ARMC9: variants seen among roughly 807,000 people sequenced by gnomAD.
The protein encoded by ARMC9 is armadillo repeat containing 9, also known as lisH domain-containing protein ARMC9.
Under a neutral mutation model 107.0 loss-of-function variants are expected in ARMC9, and 94 were observed. That is an observed-to-expected ratio of 0.88 (90% CI 0.74 to 1.04). The LOEUF (loss-of-function observed/expected upper bound fraction) is 1.04, where lower values mean the gene tolerates loss of function less well. ARMC9 is among the 50% of genes least tolerant of loss of function. The pLI, the probability that ARMC9 is intolerant of heterozygous loss-of-function variation, is 0.00. For missense variants in ARMC9, 942 were observed against 1,030.1 expected, an observed-to-expected ratio of 0.91 and a Z score of 1.17; for synonymous variants, 380 against 396.9, an observed-to-expected ratio of 0.96 and a Z score of 0.51.
chr2:231,200,568 G>A (rs796909641), intron 1 of ARMC9, among the ~76,000 whole-genome samples: 4 of 152,330 alleles, frequency 2.6e-5, no homozygotes, highest in African/African-American at 7.2e-5. Flanking sequence ...CATATACTTG[G>A]GAGGCTGAGG....
intron 19 of ARMC9, among the ~76,000 whole-genome samples, chr2:231,314,302 C>T (rs1332954044): frequency 6.6e-6 from 1 of 152,014 alleles, no homozygotes; most frequent in Non-Finnish European, 1.5e-5. Flanking sequence ...TGGTCTCGAA[C>T]TCCCGACCTC....
rs373779268 is a variant in ARMC9 at position 231,297,044 on chromosome 2, G to A, written c.1773+791G>A. Reference sequence around the variant, plus strand: ...AGAGGATGTTTTTTTGTTTGGAGTCGTGGCCTATCAGCTTGTAAAATGTGT... The same window carrying A: ...AGAGGATGTTTTTTTGTTTGGAGTCATGGCCTATCAGCTTGTAAAATGTGT... On this transcript the variant is annotated intron_variant, in intron 19 of 24. Transcript: ENST00000611582. This position sits in a 1 kb window ranked among gnomAD's most constrained non-coding sequence, Gnocchi z 4.2. 1.2e-4 allele frequency among the ~76,000 whole-genome samples: 18 copies of A among 152,264 alleles called. No individual in the cohort carries two copies. The highest frequency in any genetic ancestry group is 3.9e-4 in the East Asian group (2 of 5,186).
chr2:231,356,960 G>A lies in ARMC9; in HGVS notation c.2131+1026G>A, dbSNP rs534543897. 7.0e-4 allele frequency among the ~76,000 whole-genome samples: 106 copies of A among 152,222 alleles called. 1 individual carries two copies. Among genetic ancestry groups the A allele is most frequent in the African/African-American group, 2.4e-3 (98 of 41,542 alleles). On this transcript the variant is annotated intron_variant, in intron 22 of 24. Transcript: ENST00000611582. ...GGCTCCACAGTACATTCAGGGTAAC[G>A]TAGCGGTAACATCCTTGCTTTACCA...
intron 19 of ARMC9, among the ~76,000 whole-genome samples, chr2:231,312,165 C>A (rs114272631): frequency 8.5e-5 from 13 of 152,268 alleles, no homozygotes; most frequent in African/African-American, 2.9e-4. Context: ...TGGCTTCATT[C>A]GGCTGGATGT....
intron 19 of ARMC9, among the ~76,000 whole-genome samples, chr2:231,306,671 A>G (rs780322010): frequency 2.0e-5 from 3 of 152,200 alleles, no homozygotes; most frequent in Non-Finnish European, 4.4e-5. Context: ...GATGGGCTGA[A>G]CAAGATAGGA....
chr2:231,199,283 A>T (rs28678038), intron 1 of ARMC9, among the ~76,000 whole-genome samples: 43,548 of 152,120 alleles, frequency 0.29, 6,591 homozygotes, highest in African/African-American at 0.37. Flanking sequence ...AAAGGAGAGC[A>T]CTGGTTCTCA....
At chr2:231,261,471 C>T (rs2038334702) in intron 11 of ARMC9, among the ~76,000 whole-genome samples, 5 of 152,188 alleles carry the variant, frequency 3.3e-5, no homozygotes, top group Non-Finnish European at 7.3e-5. Context: ...CTGTCATTCC[C>T]AATAGGATAG....
chr2:231,371,449 G>T, intron 24 of ARMC9, 64 bp from the exon 25 acceptor site: 1 of 1,310,774 alleles, frequency 7.6e-7, no homozygotes, highest in Non-Finnish European at 9.7e-7. Flanking sequence ...GACTGAGTGG[G>T]ACAGAGGGGA....
chr2:231,238,875 A>G (rs2036012740), intron 8 of ARMC9, among the ~76,000 whole-genome samples: 1 of 152,210 alleles, frequency 6.6e-6, no homozygotes, highest in African/African-American at 2.4e-5. Flanking sequence ...GCAGATAGGC[A>G]GGAGGCCCAG....
chr2:231,356,377 C>T (rs2045345845), intron 22 of ARMC9, among the ~76,000 whole-genome samples: 2 of 152,262 alleles, frequency 1.3e-5, no homozygotes, highest in South Asian at 4.1e-4. Flanking sequence ...TTGAAACTTC[C>T]AGCTGAGTTA....
intron 21 of ARMC9, among the ~76,000 whole-genome samples, chr2:231,349,555 G>A (rs1384438723): frequency 2.0e-5 from 3 of 152,168 alleles, no homozygotes; most frequent in Non-Finnish European, 2.9e-5. Flanking sequence ...GCCGAGGCGG[G>A]TAGATCACTT....
rs151096687 is a variant in ARMC9, at chr2:231,208,933, G to A, written c.177+681G>A. Among the ~76,000 whole-genome samples the A allele has an allele frequency of 3.3e-3, 496 of 151,922 alleles. 4 individuals are homozygous for A. Among genetic ancestry groups the A allele is most frequent in the African/African-American group, 0.011 (476 of 41,392 alleles). On this transcript the variant is annotated intron_variant, in intron 3 of 24. Coordinates refer to ENST00000611582, the MANE Select transcript of ARMC9 (RefSeq NM_001352754.2). ...CTTTTTTTTTGAGATGGAGTCTCTCGCTCTGTCGCCCAGGCTGGAGTGCGG... is the reference window on the plus strand; with the variant it reads ...CTTTTTTTTTGAGATGGAGTCTCTCACTCTGTCGCCCAGGCTGGAGTGCGG...
intron 19 of ARMC9, among the ~76,000 whole-genome samples, chr2:231,303,322 C>T (rs970804201): frequency 6.6e-6 from 1 of 152,164 alleles, no homozygotes; most frequent in Non-Finnish European, 1.5e-5. Context: ...CATTTTACTT[C>T]CTTTTCAATC....
chr2:231,239,575 G>A (rs2036091267), intron 8 of ARMC9, among the ~76,000 whole-genome samples: 1 of 152,196 alleles, frequency 6.6e-6, no homozygotes, highest in Non-Finnish European at 1.5e-5. Context: ...CAGTTCTGAA[G>A]CTTGGCTCTC....
At chr2:231,281,921 C>A in intron 16 of ARMC9, 138 bp from the exon 17 acceptor site, 1 of 757,556 alleles carries the variant, frequency 1.3e-6, no homozygotes, top group Non-Finnish European at 2.2e-6. Flanking sequence ...AACATACATC[C>A]TGGAGCACAG....
At position 231,229,119 on chromosome 2, in the gene ARMC9, G is replaced by C. The variant is rs1440320189; in HGVS notation, c.622+2321G>C. ...AGCCAAGCAGAATGGCTGTGGATTT[G>C]AGTCTGGCAAGCAAAGTGCATCTGT... is the stretch of plus-strand genomic sequence containing the variant. On this transcript the variant is annotated intron_variant, in intron 7 of 24. Transcript: ENST00000611582. Among the ~76,000 whole-genome samples the C allele has an allele frequency of 2.0e-5, 3 of 152,078 alleles. No individual in the cohort carries two copies. In the South Asian group the frequency reaches 6.2e-4, roughly 32 times the overall value.
intron 6 of ARMC9, among the ~76,000 whole-genome samples, chr2:231,225,730 T>C (rs1201435518): frequency 6.6e-6 from 1 of 151,998 alleles, no homozygotes; most frequent in African/African-American, 2.4e-5. Flanking sequence ...GCAGGGAAAA[T>C]GGGAGTAACT....
chr2:231,356,954 G>A (rs1010757739), intron 22 of ARMC9, among the ~76,000 whole-genome samples: 3 of 152,054 alleles, frequency 2.0e-5, no homozygotes, highest in African/African-American at 7.2e-5. Context: ...GTACATTCAG[G>A]GTAACGTAGC....
chr2:231,213,591 C>T (rs2033159807), intron 3 of ARMC9, among the ~76,000 whole-genome samples: 1 of 152,152 alleles, frequency 6.6e-6, no homozygotes, highest in East Asian at 1.9e-4. Context: ...ATTCTCCTGC[C>T]TCAGCCTCCA....
Sources: allele counts gnomAD v4.1 joint callset (sites outside exome capture counted in the v4.1 genomes callset), GRCh38; gene constraint gnomAD v4.1.1; non-coding constraint Gnocchi (gnomAD v3.1); transcripts MANE v1.5; gene names NCBI Gene and HGNC (gene_info 2026-07-23, HGNC 2026-07-21).